Variants in CLECL1 observed in about 807,000 individuals in gnomAD.
CLECL1 encodes C-type lectin-like domain family 1.
At chr12:9,722,713 C>G in exon 4 of CLECL1, 1 of 1,613,800 alleles carries the variant, frequency 6.2e-7, no homozygotes, top group Non-Finnish European at 8.5e-7. Context: ...GACTTTTGTT[C>G]CAAGATTTCT....
At chr12:9,717,148 T>C (rs1039995867) in intron 2 of CLECL1, among the ~76,000 whole-genome samples, 5 of 152,232 alleles carry the variant, frequency 3.3e-5, no homozygotes, top group East Asian at 1.9e-4. Flanking sequence ...CGGTGGCTCA[T>C]GCCTGTAATC....
At chr12:9,704,397 T>C in the CLECL1 span, among the ~76,000 whole-genome samples, 1 of 152,236 alleles carries the variant, frequency 6.6e-6, no homozygotes, top group Admixed American at 6.5e-5. Flanking sequence ...GATTAAGTTA[T>C]GTTCATTTGC....
downstream of CLECL1, among the ~76,000 whole-genome samples, chr12:9,721,340 C>CT (rs1397288498): frequency 6.6e-6 from 1 of 151,212 alleles, no homozygotes; most frequent in African/African-American, 2.4e-5. Flanking sequence ...TTTTACTTTT[C>CT]TTTTTTGGGA....
At chr12:9,719,982 C>T (rs1035790300), downstream of CLECL1, among the ~76,000 whole-genome samples, 1 of 152,098 alleles carries the variant, frequency 6.6e-6, no homozygotes. Context: ...TCTTTTACTC[C>T]TTTTCTGAAA....
intron 2 of CLECL1, among the ~76,000 whole-genome samples, chr12:9,717,095 T>C (rs968924566): frequency 6.6e-6 from 1 of 152,200 alleles, no homozygotes; most frequent in Admixed American, 6.5e-5. Flanking sequence ...TTTCTGTGTT[T>C]TAAAATAGCT....
chr12:9,722,876 A>G, intron 3 of CLECL1, 63 bp from the exon 2 acceptor site: 1 of 1,222,874 alleles, frequency 8.2e-7, no homozygotes, highest in Middle Eastern at 2.3e-4. Flanking sequence ...AATGTATACT[A>G]ATTGAAGGGT....
downstream of CLECL1, among the ~76,000 whole-genome samples, chr12:9,713,232 G>A (rs886536508): frequency 4.6e-5 from 7 of 152,202 alleles, no homozygotes; most frequent in East Asian, 1.9e-4. Flanking sequence ...GAATAACATC[G>A]GTTTCTAAGT....
downstream of CLECL1, among the ~76,000 whole-genome samples, chr12:9,714,351 G>T (rs1358951571): frequency 6.6e-6 from 1 of 152,212 alleles, no homozygotes; most frequent in Non-Finnish European, 1.5e-5. Flanking sequence ...GCAGTAAGAA[G>T]AAAGATGGCT....
At chr12:9,719,181 T>C (rs1412725413), downstream of CLECL1, among the ~76,000 whole-genome samples, 1 of 152,144 alleles carries the variant, frequency 6.6e-6, no homozygotes, top group Non-Finnish European at 1.5e-5. Flanking sequence ...ATGCCTGTAA[T>C]AGCAACTGTT....
At chr12:9,708,935 T>C in the CLECL1 span, 4 of 256,006 alleles carry the variant, frequency 1.6e-5, no homozygotes, top group Non-Finnish European at 2.2e-5. Context: ...TCCTGAACCA[T>C]TGGGACGGCT....
downstream of CLECL1, among the ~76,000 whole-genome samples, chr12:9,720,856 T>C (rs998760395): frequency 4.3e-4 from 66 of 152,212 alleles, no homozygotes; most frequent in African/African-American, 1.5e-3. Flanking sequence ...CTTTCAATTA[T>C]CCTGGCTGAA....
upstream of CLECL1, chr12:9,733,368 A>G: frequency 1.4e-6 from 1 of 701,790 alleles, no homozygotes; most frequent in Non-Finnish European, 2.4e-6. Flanking sequence ...CCTATAGACC[A>G]CTTCCTCTTT....
chr12:9,732,896 A>T, intron 1 of CLECL1, 53 bp downstream of exon 1: 1 of 1,398,264 alleles, frequency 7.2e-7, no homozygotes, highest in East Asian at 2.3e-5. Flanking sequence ...AAAGAAATAA[A>T]GGAGATAACT....
chr12:9,729,828 A>G lies in CLECL1; in HGVS notation n.83-152T>C, dbSNP rs149724585. Among the ~76,000 whole-genome samples the G allele has an allele frequency of 3.4e-3, 522 of 151,332 alleles. 3 individuals carry two copies. The highest frequency in any genetic ancestry group is 0.02 in the Middle Eastern group (6 of 294). On this transcript the variant is annotated intron_variant and non_coding_transcript_variant, in intron 1 of 3. Transcript: ENST00000621400. ...AGACCCAGCTTCTTTTTTTTTTTCCACACAAAACACACATATGCGAGTATT... is the reference window on the plus strand; with the variant it reads ...AGACCCAGCTTCTTTTTTTTTTTCCGCACAAAACACACATATGCGAGTATT...
chr12:9,708,851 C>A, the CLECL1 span: 2 of 250,908 alleles, frequency 8.0e-6, no homozygotes, highest in Non-Finnish European at 1.5e-5. Flanking sequence ...ATGATGGACA[C>A]CTCTGTTCCC....
Position 9,722,675 on chromosome 12 carries a change from T to C in CLECL1, n.401A>G, listed in dbSNP as rs775941936. 6 of 1,613,952 alleles carry C rather than the reference T, an allele frequency of 3.7e-6. No individual in the cohort carries two copies. The highest frequency in any genetic ancestry group is 5.1e-6 in the Non-Finnish European group (6 of 1,179,900). ...AGTAATGTCTTGAATCACCATGAGA[T>C]ATGAATTGTTTATGGCACAGTCATT... On this transcript the variant is annotated non_coding_transcript_exon_variant, in exon 4 of 4. Coordinates refer to ENST00000621400, the Ensembl canonical transcript of CLECL1.
downstream of CLECL1, chr12:9,722,575 C>T: frequency 1.3e-6 from 2 of 1,514,946 alleles, no homozygotes; most frequent in Admixed American, 2.1e-5. Context: ...AGACTTTTGC[C>T]AAGTTTGTAG....
chr12:9,720,448 T>C (rs1174615196), downstream of CLECL1, among the ~76,000 whole-genome samples: 1 of 151,686 alleles, frequency 6.6e-6, no homozygotes, highest in African/African-American at 2.4e-5. Context: ...GTTCAAGCGA[T>C]TCTCCTGCCT....
chr12:9,732,485 C>T (rs1391363238), intron 1 of CLECL1, among the ~76,000 whole-genome samples: 1 of 152,164 alleles, frequency 6.6e-6, no homozygotes, highest in African/African-American at 2.4e-5. Context: ...TTAAATCTAA[C>T]GTTTCATGTT....
Sources: gnomAD v4.1 joint callset for allele counts (sites outside exome capture counted in the v4.1 genomes callset) on GRCh38, gnomAD v4.1.1 for gene constraint, MANE v1.5 for transcripts, NCBI Gene and HGNC (gene_info 2026-07-23, HGNC 2026-07-21) for gene names.